The following ULK4 variants were observed in gnomAD, a reference collection of about 807,000 sequenced individuals.
ULK4 encodes the protein inactive serine/threonine-protein kinase ULK4.
Under a neutral mutation model 160.6 loss-of-function variants are expected in ULK4, and 133 were observed. The observed-to-expected ratio is 0.83, with a 90% CI of 0.72 to 0.96. The LOEUF (loss-of-function observed/expected upper bound fraction) is 0.96. ULK4 is among the 40% of genes least tolerant of loss of function. The pLI is 0.00. For synonymous variants in ULK4, 534 were observed against 539.8 expected (o/e 0.99, Z 0.15); for missense variants, 1,580 against 1,499.5 (o/e 1.05, Z -0.89).
intron 30 of ULK4, among the ~76,000 whole-genome samples, chr3:41,648,025 G>C (rs543892155): frequency 1.9e-4 from 29 of 152,352 alleles, no homozygotes; most frequent in African/African-American, 7.0e-4. Context: ...ATCTCGTGGT[G>C]CGCCATTTTT....
At chr3:41,579,782 G>A (rs1002142391) in intron 31 of ULK4, among the ~76,000 whole-genome samples, 22 of 152,192 alleles carry the variant, frequency 1.4e-4, no homozygotes, top group Admixed American at 2.6e-4. Context: ...GTGAGCCACC[G>A]CGCCCGGCCT....
intron 34 of ULK4, among the ~76,000 whole-genome samples, chr3:41,412,444 C>T (rs1280708912): frequency 2.8e-5 from 4 of 143,942 alleles, no homozygotes; most frequent in African/African-American, 7.8e-5. Context: ...GTCAAAGTTT[C>T]ATATGGAAAT....
chr3:41,558,743 T>C (rs1489297481), intron 32 of ULK4, among the ~76,000 whole-genome samples: 1 of 150,816 alleles, frequency 6.6e-6, no homozygotes, highest in African/African-American at 2.4e-5. Context: ...GAAAAAGAAA[T>C]AGAACTCTAA....
chr3:41,458,994 T>A (rs1305361113), intron 33 of ULK4, among the ~76,000 whole-genome samples: 1 of 151,684 alleles, frequency 6.6e-6, no homozygotes, highest in Non-Finnish European at 1.5e-5. Flanking sequence ...GACCTCATGA[T>A]CTGCCTGCCT....
intron 16 of ULK4, among the ~76,000 whole-genome samples, chr3:41,892,061 T>G (rs144976711): frequency 1.3e-5 from 2 of 152,148 alleles, no homozygotes; most frequent in African/African-American, 4.8e-5. Flanking sequence ...ATTTGAAAAA[T>G]AGAAAAATTC....
intron 20 of ULK4, among the ~76,000 whole-genome samples, chr3:41,791,332 G>A (rs528489085): frequency 6.6e-4 from 101 of 152,286 alleles, no homozygotes; most frequent in Non-Finnish European, 1.2e-3. Flanking sequence ...GTTTCACCAT[G>A]TTGGCCAGGT....
At chr3:41,638,738 AAG>A (rs1397128051) in intron 30 of ULK4, among the ~76,000 whole-genome samples, 3 of 152,228 alleles carry the variant, frequency 2.0e-5, no homozygotes, top group East Asian at 1.9e-4. Flanking sequence ...ATAAAATCAG[AAG>A]ACTCTTGATA....
chr3:41,654,082 A>G (rs908947319), intron 30 of ULK4, among the ~76,000 whole-genome samples: 1 of 152,224 alleles, frequency 6.6e-6, no homozygotes, highest in African/African-American at 2.4e-5. Context: ...CAACGAGAAA[A>G]TATCACTGTG....
chr3:41,336,875 C>G (rs1351492978), intron 35 of ULK4, among the ~76,000 whole-genome samples: 3 of 152,118 alleles, frequency 2.0e-5, no homozygotes, highest in Non-Finnish European at 4.4e-5. Flanking sequence ...CATGGAGGAG[C>G]CTAACCAATC....
At chr3:41,705,541 G>A (rs1018863247) in intron 25 of ULK4, among the ~76,000 whole-genome samples, 52 of 151,678 alleles carry the variant, frequency 3.4e-4, no homozygotes, top group Non-Finnish European at 5.0e-4. Flanking sequence ...TTGTTGCCCA[G>A]GCTGGAGTGC....
chr3:41,563,922 C>T (rs1441368705), intron 32 of ULK4, among the ~76,000 whole-genome samples: 2 of 152,146 alleles, frequency 1.3e-5, no homozygotes, highest in Non-Finnish European at 2.9e-5. Flanking sequence ...AGTTGCGATC[C>T]TTTGGAGGAG....
chr3:41,252,048 C>T (rs1445438084), intron 35 of ULK4, among the ~76,000 whole-genome samples: 1 of 152,216 alleles, frequency 6.6e-6, no homozygotes, highest in East Asian at 1.9e-4. Flanking sequence ...GGGAGGGACA[C>T]ACCAGATAGA....
At chr3:41,777,838 T>C (rs2039685801) in intron 21 of ULK4, among the ~76,000 whole-genome samples, 1 of 143,108 alleles carries the variant, frequency 7.0e-6, no homozygotes, top group Non-Finnish European at 1.5e-5. Flanking sequence ...GAGCTTTACT[T>C]CCAACTACAT....
chr3:41,610,831 T>C lies in ULK4; in HGVS notation c.3120+4838A>G, dbSNP rs147083794. Among the ~76,000 whole-genome samples, 107 of 152,322 alleles carry C rather than the reference T, an allele frequency of 7.0e-4. 1 individual carries two copies. The highest frequency in any genetic ancestry group is 2.3e-3 in the African/African-American group (96 of 41,576). On this transcript the variant is annotated intron_variant, in intron 31 of 36. Transcript: ENST00000301831. ...CAATATTTTGGCACATATTGGAAAA[T>C]CTGCCATGAATATTTTTTTCCAATA...
At chr3:41,889,628 G>C (rs1416895326) in intron 16 of ULK4, among the ~76,000 whole-genome samples, 1 of 152,100 alleles carries the variant, frequency 6.6e-6, no homozygotes, top group Non-Finnish European at 1.5e-5. Flanking sequence ...ATCTGTACAA[G>C]AAACCCCCAT....
At chr3:41,959,690 A>G (rs1390033053) in intron 1 of ULK4, among the ~76,000 whole-genome samples, 1 of 151,926 alleles carries the variant, frequency 6.6e-6, no homozygotes, top group African/African-American at 2.4e-5. Flanking sequence ...TGTAATCCCA[A>G]CGCTTTCGGA....
chr3:41,884,027 A>C (rs1559628075), intron 16 of ULK4, 75 bp from the exon 17 acceptor site: 2 of 1,017,400 alleles, frequency 2.0e-6, no homozygotes, highest in Non-Finnish European at 3.1e-6. Flanking sequence ...TAGTTACATT[A>C]TGCAATGATG....
At chr3:41,937,313 C>T in intron 3 of ULK4, 1 of 693,066 alleles carries the variant, frequency 1.4e-6, no homozygotes, top group Non-Finnish European at 2.6e-6. Context: ...TGTGTACATC[C>T]ATGGAAGTAA....
intron 35 of ULK4, among the ~76,000 whole-genome samples, chr3:41,333,485 G>A (rs191944596): frequency 4.6e-5 from 7 of 152,200 alleles, no homozygotes; most frequent in African/African-American, 7.2e-5. Context: ...CAAAATCAGC[G>A]GATGTTTCTC....
Sources: gnomAD v4.1 joint callset for allele counts (sites outside exome capture counted in the v4.1 genomes callset) on GRCh38, gnomAD v4.1.1 for gene constraint, MANE v1.5 for transcripts, NCBI Gene and HGNC (gene_info 2026-07-23, HGNC 2026-07-21) for gene names.